RNPS1: variants seen among roughly 807,000 people sequenced by gnomAD.
The protein encoded by RNPS1 is RNA binding protein with serine rich domain 1.
For missense variants in RNPS1, 300 were observed against 427.6 expected, an observed-to-expected ratio of 0.70 and a Z score of 2.63; for synonymous variants, 147 against 150.0, an observed-to-expected ratio of 0.98 and a Z score of 0.15.
At position 2,262,269 on chromosome 16, in the gene RNPS1, G is replaced by A. The variant is rs564090820; in HGVS notation, c.676+9C>T. On this transcript the variant is annotated intron_variant, in intron 6 of 7. Coordinates refer to ENST00000320225, the MANE Select transcript of RNPS1 (RefSeq NM_080594.4). ...TGAGAGGTCAGGGTTATGTGGCAGG[G>A]TCACCCACCTCCATCCATGTGCTTC... 7.9e-5 allele frequency: 127 copies of A among 1,611,974 alleles called. 9 individuals are homozygous for A. The South Asian group carries it at 1.4e-3, about 18-fold the overall frequency.
chr16:2,263,272 C>A lies in RNPS1; in HGVS notation c.243G>T (p.Ser81=). 3 of 1,613,766 alleles carry A rather than the reference C, an allele frequency of 1.9e-6. No homozygotes were observed. Among genetic ancestry groups the A allele is most frequent in the Non-Finnish European group, 2.5e-6 (3 of 1,179,888 alleles). Residue 81 remains serine (S), a synonymous_variant, in exon 4 of 8, where the codon TCG becomes TCT. Transcript: ENST00000320225. ...GSSSTRSRSS[S]TSSSGSSTST... is the part of the protein sequence containing the mutation. ...TGGTGCTGGAGCCTGAGCTGGAAGT[C>A]GAGCTGGACCGAGACCTGAGGGCAA...
rs952173928 is a variant in RNPS1, at chr16:2,258,314, T to C, written c.677-2588A>G. ...TTAACAGATTGGAAACTCTCTAAAA[T>C]GTTAATCTACGCATATTTGCTAATT... is the stretch of plus-strand genomic sequence containing the variant. On this transcript the variant is annotated intron_variant, in intron 6 of 7. Transcript: ENST00000320225. 9 of 152,226 alleles carry C rather than the reference T, an allele frequency of 5.9e-5. 1 individual carries two copies. The highest frequency in any genetic ancestry group is 5.9e-4 in the Admixed American group (9 of 15,284). The allele number at this position is 152,226 out of a possible 1,614,324, so 9.4% of individuals were successfully genotyped here. A position where few individuals can be genotyped will look rare whatever the true frequency, so the allele number is the denominator to read the frequency against.
chr16:2,254,997 C>A (rs1375830135), intron 7 of RNPS1, among the ~76,000 whole-genome samples: 1 of 152,132 alleles, frequency 6.6e-6, no homozygotes, highest in African/African-American at 2.4e-5. Context: ...CCGCCTCAGC[C>A]TCCCAAAGTG....
Position 2,253,829 on chromosome 16 carries a change from G to A in RNPS1, c.*135C>T. On this transcript the variant is annotated 3_prime_UTR_variant, in exon 8 of 8. Coordinates refer to ENST00000320225, the MANE Select transcript of RNPS1 (RefSeq NM_080594.4). The stretch of plus-strand genomic sequence containing the variant: ...TGCAGCCGGGGCCCGGCTGGCAGAG[G>A]GGTGCTGCCTGCTGCCTGCAAATCC... 2.5e-6 allele frequency: 2 copies of A among 789,900 alleles called. No homozygotes were observed. The highest frequency in any genetic ancestry group is 4.4e-6 in the Non-Finnish European group (2 of 452,028). The allele number at this position is 789,900 out of a possible 1,614,324, so 48.9% of individuals were successfully genotyped here. A position where few individuals can be genotyped will look rare whatever the true frequency, so the allele number is the denominator to read the frequency against.
intron 1 of RNPS1, chr16:2,267,407 C>A (rs2093629183): frequency 2.0e-6 from 2 of 980,952 alleles, no homozygotes; most frequent in South Asian, 4.7e-5. Flanking sequence ...TTAACCTTCC[C>A]GTATCCGCCC....
chr16:2,266,390 AGT>A (rs1247296810), intron 1 of RNPS1: 1 of 985,256 alleles, frequency 1.0e-6, no homozygotes, highest in Admixed American at 6.1e-5. Context: ...TCGGACAATC[AGT>A]GAGTATCATT....
Position 2,264,576 on chromosome 16 carries a change from G to C in RNPS1, c.68C>G (p.Thr23Ser). The C allele has an allele frequency of 6.2e-7, 1 of 1,613,368 alleles. No homozygotes were observed. Among genetic ancestry groups the C allele is most frequent in the Non-Finnish European group, 8.5e-7 (1 of 1,179,704 alleles). Reference protein sequence around the residue: ...GVKENNKKSSTRAPSPTKRKD... With the variant: ...GVKENNKKSSSRAPSPTKRKD... ...AAAAATCTTACAGAAGGATTACCTA[G>C]TGCTGGACTTTTTATTATTTTCTTT... Residue 23 changes from threonine (T) to serine (S), a missense_variant, in exon 2 of 8, where the codon ACT becomes AGT. Coordinates refer to ENST00000320225, the MANE Select transcript of RNPS1 (RefSeq NM_080594.4).
chr16:2,260,144 A>ATTT (rs2093596635), intron 6 of RNPS1, among the ~76,000 whole-genome samples: 1 of 101,174 alleles, frequency 9.9e-6, no homozygotes, highest in Non-Finnish European at 2.1e-5. Flanking sequence ...GTGTGTGTGT[A>ATTT]TTCTTTTTTT....
chr16:2,263,060 C>T, intron 4 of RNPS1, 36 bp downstream of exon 4: 2 of 1,600,644 alleles, frequency 1.2e-6, no homozygotes, highest in Non-Finnish European at 1.7e-6. Flanking sequence ...TAGCCCCGAG[C>T]TTGTAAACTT....
rs1227958623 is a variant in RNPS1, at chr16:2,264,865, G to A, written c.-117-105C>T. 5 of 914,652 alleles carry A rather than the reference G, an allele frequency of 5.5e-6. No individual in the cohort carries two copies. The East Asian group carries it at 1.5e-4, about 27-fold the overall frequency. 56.7% of individuals were successfully genotyped at this position (914,652 alleles called of 1,614,324 possible). A position where few individuals can be genotyped will look rare whatever the true frequency, so the allele number is the denominator to read the frequency against. Reference sequence around the variant, plus strand: ...CACAAAAAGGCAGCAAGGGAGCACGGTAAGCAATAAGTGTCCACACAGTCA... The same window carrying A: ...CACAAAAAGGCAGCAAGGGAGCACGATAAGCAATAAGTGTCCACACAGTCA... On this transcript the variant is annotated intron_variant, in intron 1 of 7. Transcript: ENST00000320225.
At position 2,255,637 on chromosome 16, in the gene RNPS1, T is replaced by G; in HGVS notation, c.766A>C (p.Met256Leu). ...PPRRFSPPRR[M>L]LPPPPMWRRS... ...CGCCACATAGGCGGTGGTGGCAACA[T>G]TCTCCTGGGAGGGCTGAATCTCCTG... Residue 256 changes from methionine to leucine, a missense_variant, in exon 7 of 8, where the codon ATG (methionine) becomes CTG (leucine). Transcript: ENST00000320225. 6.2e-7 allele frequency: 1 copy of G among 1,610,260 alleles called. No individual in the cohort carries two copies. Among genetic ancestry groups the G allele is most frequent in the African/African-American group, 1.3e-5 (1 of 74,934 alleles).
At position 2,262,437 on chromosome 16, in the gene RNPS1, G is replaced by A. The variant is rs1247160720; in HGVS notation, c.523-6C>T. Reference sequence around the variant, plus strand: ...AATATCTCCATGATGTGATCCTAGAGGGAAAGAAGGGTCACGCCAACGCCC... The same window carrying A: ...AATATCTCCATGATGTGATCCTAGAAGGAAAGAAGGGTCACGCCAACGCCC... On this transcript the variant is annotated splice_polypyrimidine_tract_variant and splice_region_variant and intron_variant, in intron 5 of 7. Coordinates refer to ENST00000320225, the MANE Select transcript of RNPS1 (RefSeq NM_080594.4). 1.9e-6 allele frequency: 3 copies of A among 1,613,956 alleles called. No individual in the cohort carries two copies. In the East Asian group the frequency reaches 6.7e-5, roughly 36 times the overall value.
chr16:2,253,913 A>G lies in RNPS1; in HGVS notation c.*51T>C. The G allele has an allele frequency of 6.7e-7, 1 of 1,490,742 alleles. No homozygotes were observed. The highest frequency in any genetic ancestry group is 1.2e-5 in the South Asian group (1 of 82,890). 92.3% of individuals were successfully genotyped at this position (1,490,742 alleles called of 1,614,324 possible). A position where few individuals can be genotyped will look rare whatever the true frequency, so the allele number is the denominator to read the frequency against. On this transcript the variant is annotated 3_prime_UTR_variant, in exon 8 of 8. Coordinates refer to ENST00000320225, the MANE Select transcript of RNPS1 (RefSeq NM_080594.4). ...TTCCTTTGGCTAGAAAAGTGACAAA[A>G]CTGAGCTGGGTGGGGTATAAGTTAC... is the stretch of plus-strand genomic sequence containing the variant.
intron 6 of RNPS1, among the ~76,000 whole-genome samples, chr16:2,260,147 CTTTTTTTTT>C (rs776703032): frequency 2.1e-4 from 15 of 72,430 alleles, no homozygotes; most frequent in Non-Finnish European, 2.6e-4. Flanking sequence ...TGTGTGTATT[CTTTTTTTTT>C]TTTTTTTTTT....
chr16:2,260,691 A>C (rs2093599515), intron 6 of RNPS1, among the ~76,000 whole-genome samples: 1 of 152,186 alleles, frequency 6.6e-6, no homozygotes, highest in African/African-American at 2.4e-5. Flanking sequence ...AAAAGGTATT[A>C]TCTCAGATAA....
chr16:2,266,895 G>A (rs147195703), intron 1 of RNPS1: 72 of 224,610 alleles, frequency 3.2e-4, no homozygotes, highest in African/African-American at 1.4e-3. Context: ...ACTGGTGTGT[G>A]TTTTAATATT....
At chr16:2,261,642 TA>T (rs2141569118) in intron 6 of RNPS1, among the ~76,000 whole-genome samples, 1 of 152,338 alleles carries the variant, frequency 6.6e-6, no homozygotes. Flanking sequence ...AAGGCCCTTA[TA>T]CAAAGGCTGG....
At chr16:2,255,296 AG>A (rs1357095319) in intron 7 of RNPS1, among the ~76,000 whole-genome samples, 1 of 152,164 alleles carries the variant, frequency 6.6e-6, no homozygotes, top group African/African-American at 2.4e-5. Flanking sequence ...GCTCAGAAAA[AG>A]GTGGGCCTGC....
intron 6 of RNPS1, among the ~76,000 whole-genome samples, chr16:2,261,554 T>C (rs568812187): frequency 1.3e-5 from 2 of 152,358 alleles, no homozygotes; most frequent in Non-Finnish European, 2.9e-5. Context: ...GTGGGGATTG[T>C]GGCAGGCCAG....
Sources: allele counts gnomAD v4.1 joint callset (sites outside exome capture counted in the v4.1 genomes callset), GRCh38; gene constraint gnomAD v4.1.1; transcripts MANE v1.5; gene names NCBI Gene and HGNC (gene_info 2026-07-23, HGNC 2026-07-21).